MOK: variants seen among roughly 807,000 people sequenced by gnomAD.
MOK encodes the protein MOK protein kinase.
Under a neutral mutation model 54.2 loss-of-function variants are expected in MOK, and 59 were observed. The ratio of observed to expected loss-of-function variants is 1.09; its 90% CI spans 0.88 to 1.35. The LOEUF (loss-of-function observed/expected upper bound fraction) is 1.35. Among genes scored for constraint, MOK ranks in the 40% most tolerant of loss-of-function variants. The pLI is 0.00. For synonymous variants in MOK, 210 were observed against 202.7 expected (o/e 1.04, Z -0.31); for missense variants, 517 against 526.2 (o/e 0.98, Z 0.17).
At chr14:102,263,399 C>A in intron 4 of MOK, 147 bp downstream of exon 4, 1 of 452,824 alleles carries the variant, frequency 2.2e-6, no homozygotes, top group Non-Finnish European at 3.7e-6. Context: ...CAGAAAAATG[C>A]CTCCTGGTGA....
At chr14:102,218,172 G>A in the MOK span, among the ~76,000 whole-genome samples, 2 of 152,380 alleles carry the variant, frequency 1.3e-5, no homozygotes, top group East Asian at 3.9e-4. Flanking sequence ...GGGCCTGTGT[G>A]CGTCTTACTT....
At chr14:102,266,540 G>C (rs891168972) in intron 2 of MOK, among the ~76,000 whole-genome samples, 6 of 151,930 alleles carry the variant, frequency 3.9e-5, no homozygotes, top group African/African-American at 1.5e-4. Context: ...GTGAGCCACT[G>C]TGCCCGGCCT....
At chr14:102,226,191 C>T, downstream of MOK, 1 of 611,040 alleles carries the variant, frequency 1.6e-6, no homozygotes, top group Non-Finnish European at 2.9e-6. This position sits in a 1 kb window ranked among gnomAD's most constrained non-coding sequence, Gnocchi z 4.8. Flanking sequence ...CAAGGCCTGC[C>T]CCCGCCAGTG....
At chr14:102,253,118 T>TA (rs1296425431) in intron 4 of MOK, among the ~76,000 whole-genome samples, 4 of 152,226 alleles carry the variant, frequency 2.6e-5, no homozygotes, top group Non-Finnish European at 5.9e-5. Flanking sequence ...AACTGCCAAT[T>TA]AAAAAATTAA....
At chr14:102,222,927 A>C (rs1412877394), downstream of MOK, 1 of 1,612,184 alleles carries the variant, frequency 6.2e-7, no homozygotes. This position sits in a 1 kb window ranked among gnomAD's most constrained non-coding sequence, Gnocchi z 4.4. Flanking sequence ...CTTGGACTCG[A>C]GGGAGTGACG....
intron 1 of MOK, among the ~76,000 whole-genome samples, chr14:102,294,485 C>T (rs923721640): frequency 2.1e-4 from 32 of 151,188 alleles, no homozygotes; most frequent in Middle Eastern, 3.4e-3. Context: ...CATCGTGATG[C>T]GTGCCTGTAG....
intron 3 of MOK, among the ~76,000 whole-genome samples, chr14:102,265,474 A>G (rs187104202): frequency 6.6e-6 from 1 of 152,282 alleles, no homozygotes; most frequent in Admixed American, 6.5e-5. Context: ...TCTACTAAAA[A>G]TACAAAAATT....
intron 2 of MOK, chr14:102,280,734 T>C (rs1467351406): frequency 2.0e-5 from 3 of 152,150 alleles, no homozygotes; most frequent in Non-Finnish European, 4.4e-5. Context: ...GCACTTTTGG[T>C]GTGTGAGGAA....
chr14:102,288,117 A>G (rs558537244), intron 1 of MOK, among the ~76,000 whole-genome samples: 6 of 150,614 alleles, frequency 4.0e-5, no homozygotes, highest in African/African-American at 1.5e-4. Context: ...TACAGGCGTG[A>G]GCCACCGCAC....
chr14:102,262,789 G>T (rs925837282), intron 4 of MOK, among the ~76,000 whole-genome samples: 3 of 152,158 alleles, frequency 2.0e-5, no homozygotes, highest in African/African-American at 7.2e-5. Context: ...GTCATAAGTA[G>T]TCACTCATGT....
chr14:102,300,241 T>G (rs1450185177), intron 1 of MOK, among the ~76,000 whole-genome samples: 3 of 150,608 alleles, frequency 2.0e-5, no homozygotes, highest in Non-Finnish European at 4.4e-5. Flanking sequence ...GAAGAATCAC[T>G]TGAACCCGGG....
In MOK at chr14:102,245,427, G is replaced by A. The variant is rs545127767; in HGVS notation, c.590+5385C>T. Among the ~76,000 whole-genome samples the A allele has an allele frequency of 1.3e-5, 2 of 151,974 alleles. No individual in the cohort carries two copies. Among genetic ancestry groups the A allele is most frequent in the East Asian group, 3.9e-4 (2 of 5,154 alleles). On this transcript the variant is annotated intron_variant, in intron 7 of 11. Transcript: ENST00000361847. The surrounding 1 kb of genome is among the most constrained non-coding windows in gnomAD (Gnocchi z 4.3). ...ATGTCAGGCCTCTAAGCCCAAGCCT[G>A]CACATATACATCCAGATGGCCTGAA...
chr14:102,269,635 G>A (rs1163860280), intron 2 of MOK, among the ~76,000 whole-genome samples: 1 of 151,946 alleles, frequency 6.6e-6, no homozygotes, highest in Non-Finnish European at 1.5e-5. Context: ...ACCATGCCTG[G>A]CTGATTCTTA....
chr14:102,229,680 T>G, intron 10 of MOK, 23 bp from the exon 11 acceptor site: 2 of 1,567,378 alleles, frequency 1.3e-6, no homozygotes, highest in African/African-American at 1.4e-5. Context: ...CAGAGGCCAG[T>G]TGGACATAAA....
At chr14:102,261,484 T>C (rs1422544297) in intron 4 of MOK, among the ~76,000 whole-genome samples, 1 of 124,572 alleles carries the variant, frequency 8.0e-6, no homozygotes, top group Non-Finnish European at 1.6e-5. Flanking sequence ...CTCAAGCGTC[T>C]AAACACACAG....
At chr14:102,229,707 GGAA>G (rs1326665878) in intron 10 of MOK, 50 bp from the exon 11 acceptor site, 12 of 1,487,704 alleles carry the variant, frequency 8.1e-6, no homozygotes, top group Non-Finnish European at 1.1e-5. Flanking sequence ...TCTGCTTTAT[GGAA>G]ATTAGGAAAA....
Position 102,229,048 on chromosome 14 carries a change from C to A in MOK, c.*241G>T, listed in dbSNP as rs1406424361. 3 of 502,070 alleles carry A rather than the reference C, an allele frequency of 6.0e-6. No individual in the cohort carries two copies. Among genetic ancestry groups the A allele is most frequent in the Non-Finnish European group, 6.9e-6 (2 of 288,000 alleles). The allele number at this position is 502,070 out of a possible 1,614,324, so 31.1% of individuals were successfully genotyped here. Reference sequence around the variant, plus strand: ...AGTATTTCCTGCCCCAAATTCTTAACGAAAATGAAAGAAAACCCTAGAATG... The same window carrying A: ...AGTATTTCCTGCCCCAAATTCTTAAAGAAAATGAAAGAAAACCCTAGAATG... On this transcript the variant is annotated 3_prime_UTR_variant, in exon 12 of 12. Transcript: ENST00000361847.
chr14:102,219,578 C>G (rs2153061887), downstream of MOK, among the ~76,000 whole-genome samples: 1 of 152,320 alleles, frequency 6.6e-6, no homozygotes, highest in East Asian at 1.9e-4. Flanking sequence ...CGGTTAACTC[C>G]TCTTAGAGAC....
chr14:102,302,182 C>T (rs975402282), intron 1 of MOK, among the ~76,000 whole-genome samples: 1 of 151,744 alleles, frequency 6.6e-6, no homozygotes, highest in Non-Finnish European at 1.5e-5. Flanking sequence ...AAGCGATTCC[C>T]CTGCCTCAGC....
Sources: allele counts gnomAD v4.1 joint callset (sites outside exome capture counted in the v4.1 genomes callset), GRCh38; gene constraint gnomAD v4.1.1; non-coding constraint Gnocchi (gnomAD v3.1); transcripts MANE v1.5; gene names NCBI Gene and HGNC (gene_info 2026-07-23, HGNC 2026-07-21).